The following NEGR1 variants were observed in gnomAD, a reference collection of about 807,000 sequenced individuals.
NEGR1 encodes the protein IgLON family member 4.
A neutral mutation model predicts 40.9 loss-of-function variants in NEGR1; 10 were observed. The observed-to-expected ratio is 0.24, with a 90% CI of 0.15 to 0.42. The LOEUF (loss-of-function observed/expected upper bound fraction) is 0.42, where lower values mean the gene tolerates loss of function less well. Ranked by LOEUF, NEGR1 falls within the 10% of genes least tolerant of loss-of-function variation. The pLI is 1.00. For missense variants in NEGR1, 352 were observed against 438.9 expected, an observed-to-expected ratio of 0.80 and a Z score of 1.77; for synonymous variants, 185 against 166.8, an observed-to-expected ratio of 1.11 and a Z score of -0.84.
chr1:71,494,946 A>G (rs1020378327), intron 6 of NEGR1, among the ~76,000 whole-genome samples: 1 of 152,140 alleles, frequency 6.6e-6, no homozygotes, highest in Non-Finnish European at 1.5e-5. Flanking sequence ...CCTACTCAAC[A>G]TGAAGATGAC....
At chr1:72,009,300 G>A (rs915776490) in intron 1 of NEGR1, among the ~76,000 whole-genome samples, 6 of 151,930 alleles carry the variant, frequency 3.9e-5, no homozygotes, top group African/African-American at 1.5e-4. Flanking sequence ...GATTCACCAA[G>A]CCATCCCTTT....
At chr1:71,470,880 C>A (rs1266543526) in intron 6 of NEGR1, among the ~76,000 whole-genome samples, 1 of 152,088 alleles carries the variant, frequency 6.6e-6, no homozygotes, top group Non-Finnish European at 1.5e-5. Context: ...CTACCACTAC[C>A]AACCCACCCA....
At chr1:71,976,243 G>T (rs917745755) in intron 1 of NEGR1, among the ~76,000 whole-genome samples, 1 of 152,022 alleles carries the variant, frequency 6.6e-6, no homozygotes, top group Non-Finnish European at 1.5e-5. Flanking sequence ...AACTCACATC[G>T]TCATATCATA....
At chr1:72,004,655 TCA>T (rs1646590036) in intron 1 of NEGR1, among the ~76,000 whole-genome samples, 1 of 152,124 alleles carries the variant, frequency 6.6e-6, no homozygotes, top group Non-Finnish European at 1.5e-5. Context: ...TAGACAGTGG[TCA>T]CAGTCACACA....
chr1:72,011,121 C>T (rs1017376878), intron 1 of NEGR1, among the ~76,000 whole-genome samples: 1 of 152,108 alleles, frequency 6.6e-6, no homozygotes, highest in African/African-American at 2.4e-5. Flanking sequence ...ATAGTACCCT[C>T]TGCATGATTT....
chr1:72,113,386 T>G (rs1374228750), intron 1 of NEGR1, among the ~76,000 whole-genome samples: 1 of 151,604 alleles, frequency 6.6e-6, no homozygotes, highest in Non-Finnish European at 1.5e-5. Context: ...GATTGTATTA[T>G]AGCTGTTATC....
intron 1 of NEGR1, among the ~76,000 whole-genome samples, chr1:72,151,378 T>G (rs1488972070): frequency 6.6e-6 from 1 of 151,692 alleles, no homozygotes; most frequent in Admixed American, 6.6e-5. Context: ...ATGTTTTTTG[T>G]TTTTGATTTT....
chr1:71,463,609 T>A (rs1047593371), intron 6 of NEGR1: 1 of 152,154 alleles, frequency 6.6e-6, no homozygotes, highest in Non-Finnish European at 1.5e-5. Flanking sequence ...GTTACTGTAC[T>A]ATTAGTGCCC....
In NEGR1 at chr1:71,399,927, A is replaced by G. The variant is rs1569826516; in HGVS notation, c.*7519T>C. On this transcript the variant is annotated 3_prime_UTR_variant, in exon 7 of 7. Transcript: ENST00000357731. The stretch of plus-strand genomic sequence containing the variant: ...TTTAGCATATTATAGTCTTCAACGA[A>G]TATTTTGTAAGTTTTTTTTCTAAGA... 1 of 152,302 alleles carries G rather than the reference A, an allele frequency of 6.6e-6. No homozygotes were observed. Among genetic ancestry groups the G allele is most frequent in the East Asian group, 1.9e-4 (1 of 5,178 alleles). The allele number at this position is 152,302 out of a possible 1,614,324, so 9.4% of individuals were successfully genotyped here. A position where few individuals can be genotyped will look rare whatever the true frequency, so the allele number is the denominator to read the frequency against.
intron 3 of NEGR1, among the ~76,000 whole-genome samples, chr1:71,726,073 G>C (rs1654665361): frequency 6.6e-6 from 1 of 152,106 alleles, no homozygotes; most frequent in Non-Finnish European, 1.5e-5. Flanking sequence ...TGCTGCTGTT[G>C]TGAGTTATTG....
chr1:71,728,777 G>C (rs1235782913), intron 3 of NEGR1, among the ~76,000 whole-genome samples: 1 of 152,088 alleles, frequency 6.6e-6, no homozygotes, highest in Non-Finnish European at 1.5e-5. Flanking sequence ...GTTATACAAG[G>C]TATGTGCTCA....
At chr1:71,661,989 A>G (rs1652072898) in intron 4 of NEGR1, among the ~76,000 whole-genome samples, 1 of 152,190 alleles carries the variant, frequency 6.6e-6, no homozygotes, top group Admixed American at 6.5e-5. Context: ...AGACTGCTGT[A>G]AAGATTAAAT....
intron 6 of NEGR1, among the ~76,000 whole-genome samples, chr1:71,427,726 T>C (rs1234158662): frequency 6.6e-6 from 1 of 152,148 alleles, no homozygotes; most frequent in Non-Finnish European, 1.5e-5. Flanking sequence ...CAGTAAGCAA[T>C]AAAATATACA....
intron 1 of NEGR1, among the ~76,000 whole-genome samples, chr1:72,101,357 G>A (rs9326096): frequency 6.6e-6 from 1 of 152,200 alleles, no homozygotes; most frequent in East Asian, 1.9e-4. Context: ...TCGCTCAACA[G>A]AGACCATAAT....
In NEGR1 at chr1:71,642,990, A is replaced by G. The variant is rs563583988; in HGVS notation, c.668-31844T>C. On this transcript the variant is annotated intron_variant, in intron 4 of 6. Transcript: ENST00000357731. ...CAGAAGTGAATAAAGAAAGTTCATA[A>G]TAAAGAAGGGGAATAAAAAGACCAG... 1.1e-3 allele frequency among the ~76,000 whole-genome samples: 164 copies of G among 152,108 alleles called. 1 individual carries two copies. The highest frequency in any genetic ancestry group is 3.9e-3 in the African/African-American group (161 of 41,520).
At chr1:72,146,688 C>A (rs11209921) in intron 1 of NEGR1, among the ~76,000 whole-genome samples, 1 of 151,870 alleles carries the variant, frequency 6.6e-6, no homozygotes, top group East Asian at 1.9e-4. Flanking sequence ...TACATATATG[C>A]AAATATACAA....
chr1:71,583,990 G>C (rs1213523), intron 6 of NEGR1, among the ~76,000 whole-genome samples: 136,002 of 152,234 alleles, frequency 0.89, 62,152 homozygotes, highest in Non-Finnish European at 1. Flanking sequence ...AAAGAGAAGT[G>C]TTGCTTAAAA....
chr1:72,161,569 A>G (rs1369054908), intron 1 of NEGR1, among the ~76,000 whole-genome samples: 1 of 151,964 alleles, frequency 6.6e-6, no homozygotes, highest in Non-Finnish European at 1.5e-5. Flanking sequence ...CAAGAGGACA[A>G]ATGTTGTGAA....
At chr1:71,613,188 T>C (rs1471343488) in intron 4 of NEGR1, among the ~76,000 whole-genome samples, 1 of 151,946 alleles carries the variant, frequency 6.6e-6, no homozygotes, top group Non-Finnish European at 1.5e-5. Flanking sequence ...GCAGTGCAAG[T>C]GGTGGAAAGT....
Sources: gnomAD v4.1 joint callset for allele counts (sites outside exome capture counted in the v4.1 genomes callset) on GRCh38, gnomAD v4.1.1 for gene constraint, MANE v1.5 for transcripts, NCBI Gene and HGNC (gene_info 2026-07-23, HGNC 2026-07-21) for gene names.